CADM2: variants seen among roughly 807,000 people sequenced by gnomAD.
The protein encoded by CADM2 is immunoglobulin superfamily member 4D.
A neutral mutation model predicts 49.8 loss-of-function variants in CADM2; 12 were observed. The ratio of observed to expected loss-of-function variants is 0.24; its 90% CI spans 0.15 to 0.39. The LOEUF (loss-of-function observed/expected upper bound fraction) is 0.39, where lower values mean the gene tolerates loss of function less well. Among genes scored for constraint, CADM2 ranks in the 10% least tolerant of loss-of-function variants. The probability of loss-of-function intolerance (pLI) is 1.00; values close to 1 mark genes in which losing one functional copy is unlikely to be tolerated. For synonymous variants in CADM2, 214 were observed against 175.4 expected (o/e 1.22, Z -1.74); for missense variants, 378 against 492.3 (o/e 0.77, Z 2.20).
intron 1 of CADM2, among the ~76,000 whole-genome samples, chr3:85,495,406 C>A (rs1348717579): frequency 6.6e-6 from 1 of 152,040 alleles, no homozygotes; most frequent in Non-Finnish European, 1.5e-5. Context: ...GGATTCACAT[C>A]GTTATTTCTT....
At chr3:85,507,485 G>A (rs1033711783) in intron 1 of CADM2, among the ~76,000 whole-genome samples, 1 of 151,938 alleles carries the variant, frequency 6.6e-6, no homozygotes, top group African/African-American at 2.4e-5. Context: ...CACCATGCCC[G>A]GCCTTTTTAA....
intron 1 of CADM2, among the ~76,000 whole-genome samples, chr3:85,575,726 C>T (rs564627331): frequency 4.6e-5 from 7 of 152,156 alleles, no homozygotes; most frequent in African/African-American, 1.7e-4. Flanking sequence ...TGAGATGACA[C>T]TTGCATGATA....
At chr3:85,211,605 G>C (rs2041781869) in intron 1 of CADM2, among the ~76,000 whole-genome samples, 1 of 152,020 alleles carries the variant, frequency 6.6e-6, no homozygotes, top group African/African-American at 2.4e-5. Flanking sequence ...ATTCCTCTTT[G>C]TGTTGATTCC....
intron 1 of CADM2, among the ~76,000 whole-genome samples, chr3:85,496,887 A>G (rs1388967286): frequency 6.6e-6 from 1 of 152,120 alleles, no homozygotes; most frequent in East Asian, 1.9e-4. Context: ...CTCTGTTGCC[A>G]GGCTGGAGTG....
chr3:85,342,870 TAAAAAG>T (rs1385918378), intron 1 of CADM2, among the ~76,000 whole-genome samples: 1 of 152,162 alleles, frequency 6.6e-6, no homozygotes, highest in Non-Finnish European at 1.5e-5. Context: ...GCTTTCCTAC[TAAAAAG>T]AAAAAATCCA....
chr3:85,706,568 G>A (rs1194732859), intron 1 of CADM2, among the ~76,000 whole-genome samples: 1 of 152,024 alleles, frequency 6.6e-6, no homozygotes, highest in Non-Finnish European at 1.5e-5. Flanking sequence ...AATTTCCCTA[G>A]CATATTAGAT....
At chr3:85,851,089 T>C (rs568913073) in intron 3 of CADM2, among the ~76,000 whole-genome samples, 1 of 152,296 alleles carries the variant, frequency 6.6e-6, no homozygotes, top group South Asian at 2.1e-4. Flanking sequence ...CTATAAACTT[T>C]TGAGTCATTT....
In CADM2 at chr3:85,961,013, TTATA is replaced by T. The variant is rs5850722; in HGVS notation, c.792-450_792-447del. Among the ~76,000 whole-genome samples the T allele has an allele frequency of 2.0e-5, 3 of 146,848 alleles. No individual in the cohort carries two copies. In the South Asian group the frequency reaches 6.3e-4, roughly 31 times the overall value. On this transcript the variant is annotated intron_variant, in intron 7 of 9. Coordinates refer to ENST00000383699, the MANE Select transcript of CADM2 (RefSeq NM_001167675.2). ...AAGTATTATTTAGTATTCATTATTA[TTATA>T]TATATTTATACTCATATTTTATATA...
intron 9 of CADM2, 88 bp from the exon 10 acceptor site, chr3:86,066,577 A>C (rs1739366467): frequency 3.9e-6 from 4 of 1,036,762 alleles, no homozygotes; most frequent in Non-Finnish European, 5.9e-6. Context: ...AAAATCTGGC[A>C]AAAGTTTCTT....
intron 8 of CADM2, among the ~76,000 whole-genome samples, chr3:86,046,106 T>C (rs1288154137): frequency 6.6e-6 from 1 of 152,132 alleles, no homozygotes; most frequent in Non-Finnish European, 1.5e-5. Context: ...TCAATAAAAA[T>C]TTAAGGACTA....
At position 85,269,063 on chromosome 3, in the gene CADM2, A is replaced by G. The variant is rs560217150; in HGVS notation, c.61+309395A>G. On this transcript the variant is annotated intron_variant, in intron 1 of 9. Coordinates refer to ENST00000383699, the MANE Select transcript of CADM2 (RefSeq NM_001167675.2). ...AACCTTAATAAATGTACTAAAATAA[A>G]ATAAATTGTTGCTTTGATTAGAAAT... Among the ~76,000 whole-genome samples the G allele has an allele frequency of 1.0e-3, 152 of 151,548 alleles. 1 individual carries two copies. Among genetic ancestry groups the G allele is most frequent in the African/African-American group, 3.3e-3 (135 of 41,490 alleles).
chr3:85,985,944 AAG>A (rs1728051530), intron 8 of CADM2, among the ~76,000 whole-genome samples: 1 of 152,014 alleles, frequency 6.6e-6, no homozygotes, highest in South Asian at 2.1e-4. Flanking sequence ...TGCACTACGA[AAG>A]AGTTTCATTT....
intron 1 of CADM2, among the ~76,000 whole-genome samples, chr3:85,011,548 T>C (rs564305342): frequency 6.6e-6 from 1 of 152,312 alleles, no homozygotes; most frequent in East Asian, 1.9e-4. Flanking sequence ...AAGTAAGATA[T>C]GCAGAAAAGA....
intron 1 of CADM2, among the ~76,000 whole-genome samples, chr3:85,589,275 T>G (rs1372151321): frequency 6.6e-6 from 1 of 152,056 alleles, no homozygotes; most frequent in Non-Finnish European, 1.5e-5. Context: ...GTGGTTTTAG[T>G]TCTCCTGCGG....
chr3:85,507,467 G>A (rs991449384), intron 1 of CADM2, among the ~76,000 whole-genome samples: 5 of 152,102 alleles, frequency 3.3e-5, no homozygotes, highest in Admixed American at 6.5e-5. Context: ...GGAATTACAG[G>A]CGTGAGCCAC....
intron 1 of CADM2, among the ~76,000 whole-genome samples, chr3:85,314,417 T>C (rs2044418569): frequency 6.6e-6 from 1 of 152,036 alleles, no homozygotes; most frequent in African/African-American, 2.4e-5. Context: ...TTCCTGGATA[T>C]TAACAACTGA....
chr3:85,692,704 C>T (rs1314454814), intron 1 of CADM2, among the ~76,000 whole-genome samples: 3 of 152,178 alleles, frequency 2.0e-5, no homozygotes, highest in Non-Finnish European at 4.4e-5. Context: ...AAAGAACTTA[C>T]TCCCTGGTTA....
chr3:85,428,221 A>G (rs2036502213), intron 1 of CADM2, among the ~76,000 whole-genome samples: 1 of 150,776 alleles, frequency 6.6e-6, no homozygotes, highest in Non-Finnish European at 1.5e-5. Context: ...AAAGGCACAG[A>G]GTAAAGTGTT....
At chr3:85,693,129 G>A (rs375231919) in intron 1 of CADM2, among the ~76,000 whole-genome samples, 1 of 151,708 alleles carries the variant, frequency 6.6e-6, no homozygotes, top group Non-Finnish European at 1.5e-5. Context: ...TGCACCTGTA[G>A]TCCCAGCTAC....
Sources: gnomAD v4.1 joint callset for allele counts (sites outside exome capture counted in the v4.1 genomes callset) on GRCh38, gnomAD v4.1.1 for gene constraint, MANE v1.5 for transcripts, NCBI Gene and HGNC (gene_info 2026-07-23, HGNC 2026-07-21) for gene names.